CSMD3: variants seen among roughly 807,000 people sequenced by gnomAD.
The protein encoded by CSMD3 is CUB and Sushi multiple domains 3, also known as CUB and sushi domain-containing protein 3.
Under a neutral mutation model 435.2 loss-of-function variants are expected in CSMD3, and 177 were observed. The ratio of observed to expected loss-of-function variants is 0.41; its 90% CI spans 0.36 to 0.46. The LOEUF (loss-of-function observed/expected upper bound fraction) is 0.46. Ranked by LOEUF, CSMD3 falls within the 20% of genes least tolerant of loss-of-function variation. The pLI is 0.34. For synonymous variants in CSMD3, 1,656 were observed against 1,520.5 expected (o/e 1.09, Z -2.07); for missense variants, 4,265 against 4,504.6 (o/e 0.95, Z 1.52).
At chr8:112,828,547 G>A (rs1020119689) in intron 12 of CSMD3, among the ~76,000 whole-genome samples, 6 of 152,238 alleles carry the variant, frequency 3.9e-5, no homozygotes, top group African/African-American at 1.4e-4. Context: ...ACCATTGTAA[G>A]TTTCCCGAGG....
chr8:112,862,902 T>C (rs1443468052), intron 10 of CSMD3, among the ~76,000 whole-genome samples: 3 of 152,126 alleles, frequency 2.0e-5, no homozygotes, highest in Non-Finnish European at 4.4e-5. Context: ...GCCAAAATAA[T>C]AGTATCAATC....
intron 13 of CSMD3, among the ~76,000 whole-genome samples, chr8:112,730,700 AC>A (rs1459279890): frequency 6.6e-6 from 1 of 152,018 alleles, no homozygotes; most frequent in African/African-American, 2.4e-5. Flanking sequence ...CTTCAACCTG[AC>A]TGTGTACCTG....
chr8:112,348,453 G>A (rs1489590243), intron 40 of CSMD3, among the ~76,000 whole-genome samples: 2 of 152,068 alleles, frequency 1.3e-5, no homozygotes, highest in South Asian at 2.1e-4. Flanking sequence ...GATGACTAGT[G>A]TTTTAAGACA....
intron 22 of CSMD3, among the ~76,000 whole-genome samples, chr8:112,602,753 T>C (rs1832467895): frequency 6.7e-6 from 1 of 149,978 alleles, no homozygotes; most frequent in Non-Finnish European, 1.5e-5. Flanking sequence ...AGCAAAAATG[T>C]TATTAAGAAA....
intron 13 of CSMD3, among the ~76,000 whole-genome samples, chr8:112,795,866 G>A (rs958776396): frequency 6.6e-6 from 1 of 151,912 alleles, no homozygotes; most frequent in Non-Finnish European, 1.5e-5. Context: ...TACCACACAA[G>A]TATACAAAAA....
intron 4 of CSMD3, among the ~76,000 whole-genome samples, chr8:113,169,116 GT>G (rs2092219808): frequency 6.6e-6 from 1 of 152,058 alleles, no homozygotes. Context: ...CCAGAAAATT[GT>G]TGATCAAAGT....
At chr8:113,166,205 T>C (rs754688735) in intron 4 of CSMD3, among the ~76,000 whole-genome samples, 4 of 152,076 alleles carry the variant, frequency 2.6e-5, no homozygotes, top group Non-Finnish European at 5.9e-5. Context: ...AGTGAGTTTT[T>C]AAAATATATG....
chr8:112,854,743 G>A (rs1041992839), intron 11 of CSMD3, among the ~76,000 whole-genome samples: 2 of 152,068 alleles, frequency 1.3e-5, no homozygotes, highest in African/African-American at 2.4e-5. Flanking sequence ...CTTAAAACCC[G>A]AGTTTTCAGA....
Position 113,278,886 on chromosome 8 carries a change from C to T in CSMD3, c.402-182G>A, listed in dbSNP as rs376796536. 1.1e-4 allele frequency among the ~76,000 whole-genome samples: 16 copies of T among 151,738 alleles called. No individual in the cohort carries two copies. In the East Asian group the frequency reaches 2.3e-3, roughly 22 times the overall value. On this transcript the variant is annotated intron_variant, in intron 2 of 70. Transcript: ENST00000297405. Reference sequence around the variant, plus strand: ...GTTAAACTCATTTTGGACTTCAGCCCTCCAGACTGCAAGATAATACATTTG... The same window carrying T: ...GTTAAACTCATTTTGGACTTCAGCCTTCCAGACTGCAAGATAATACATTTG...
At chr8:113,398,714 T>C in intron 1 of CSMD3, among the ~76,000 whole-genome samples, 1 of 152,134 alleles carries the variant, frequency 6.6e-6, no homozygotes, top group East Asian at 1.9e-4. Context: ...TAATTTTCAG[T>C]ATGCAAACCA....
In CSMD3 at chr8:112,845,983, A is replaced by C. The variant is rs551276185; in HGVS notation, c.1755+13162T>G. On this transcript the variant is annotated intron_variant, in intron 11 of 70. Transcript: ENST00000297405. Reference sequence around the variant, plus strand: ...AGGGGGAAATTCAGGAAAACAGAGAATAAAGAGGCTGGGGAGGATAAAGTT... The same window carrying C: ...AGGGGGAAATTCAGGAAAACAGAGACTAAAGAGGCTGGGGAGGATAAAGTT... 1.2e-4 allele frequency among the ~76,000 whole-genome samples: 19 copies of C among 152,192 alleles called. No individual in the cohort carries two copies. In the South Asian group the frequency reaches 3.9e-3, roughly 32 times the overall value.
intron 32 of CSMD3, among the ~76,000 whole-genome samples, chr8:112,454,255 T>C (rs1244173537): frequency 1.3e-5 from 2 of 152,024 alleles, no homozygotes; most frequent in African/African-American, 4.8e-5. Flanking sequence ...AAGTAAGACG[T>C]AATTAAACTA....
Position 112,383,326 on chromosome 8 carries a change from A to C in CSMD3, c.6031+241T>G, listed in dbSNP as rs541903542. 1.2e-4 allele frequency among the ~76,000 whole-genome samples: 19 copies of C among 152,270 alleles called. No individual in the cohort carries two copies. In the East Asian group the frequency reaches 3.7e-3, roughly 29 times the overall value. ...AACTCAGCTGAAAATATTACCAGTA[A>C]CATAAAACCATCAATAAATAATTAC... On this transcript the variant is annotated intron_variant, in intron 37 of 70. Transcript: ENST00000297405.
intron 32 of CSMD3, among the ~76,000 whole-genome samples, chr8:112,457,990 G>A (rs2130652317): frequency 6.6e-6 from 1 of 152,022 alleles, no homozygotes; most frequent in African/African-American, 2.4e-5. Flanking sequence ...CCAGGATAAA[G>A]GATTACTTAA....
At chr8:113,128,619 AAAG>A (rs1217743537) in intron 4 of CSMD3, among the ~76,000 whole-genome samples, 1 of 152,036 alleles carries the variant, frequency 6.6e-6, no homozygotes, top group Non-Finnish European at 1.5e-5. Context: ...CAAACACAAA[AAAG>A]AAGTTAATAT....
intron 6 of CSMD3, among the ~76,000 whole-genome samples, chr8:112,988,210 T>C (rs951917657): frequency 7.2e-5 from 11 of 152,040 alleles, no homozygotes; most frequent in African/African-American, 2.7e-4. Flanking sequence ...TCTTCTACCC[T>C]CACCCCACAA....
intron 57 of CSMD3, among the ~76,000 whole-genome samples, chr8:112,288,638 G>A (rs929263633): frequency 3.3e-5 from 5 of 151,772 alleles, no homozygotes; most frequent in African/African-American, 1.2e-4. Context: ...ACAATATCTG[G>A]TTGATGGGTA....
chr8:113,026,633 T>C (rs991535764), intron 5 of CSMD3, among the ~76,000 whole-genome samples: 2 of 152,242 alleles, frequency 1.3e-5, no homozygotes, highest in African/African-American at 4.8e-5. Context: ...CTTATATATG[T>C]CAAGAAAATA....
At chr8:112,978,059 T>C (rs1292859438) in intron 6 of CSMD3, among the ~76,000 whole-genome samples, 1 of 152,016 alleles carries the variant, frequency 6.6e-6, no homozygotes, top group Non-Finnish European at 1.5e-5. Flanking sequence ...TAGAGTTTAA[T>C]TGAGCCTTTT....
Sources: allele counts gnomAD v4.1 joint callset (sites outside exome capture counted in the v4.1 genomes callset), GRCh38; gene constraint gnomAD v4.1.1; transcripts MANE v1.5; gene names NCBI Gene and HGNC (gene_info 2026-07-23, HGNC 2026-07-21).